BBS9: variants seen among roughly 807,000 people sequenced by gnomAD.
BBS9 encodes the protein protein PTHB1.
BBS9 carries 89 observed loss-of-function variants against 117.7 expected under a neutral mutation model. The ratio of observed to expected loss-of-function variants is 0.76; its 90% CI spans 0.64 to 0.90. The LOEUF (loss-of-function observed/expected upper bound fraction) is 0.90, where lower values mean the gene tolerates loss of function less well. Ranked by LOEUF, BBS9 falls within the 40% of genes least tolerant of loss-of-function variation. BBS9 has a pLI of 0.00. For missense variants in BBS9, 982 were observed against 1,042.2 expected, an observed-to-expected ratio of 0.94 and a Z score of 0.80; for synonymous variants, 379 against 370.9, an observed-to-expected ratio of 1.02 and a Z score of -0.25.
At chr7:33,425,340 A>C (rs1833503137) in intron 19 of BBS9, among the ~76,000 whole-genome samples, 2 of 152,214 alleles carry the variant, frequency 1.3e-5, no homozygotes, top group Admixed American at 6.5e-5. Flanking sequence ...CACACTTTAA[A>C]AAAATTTTTT....
At chr7:33,130,708 A>G (rs1324385220) in intron 1 of BBS9, among the ~76,000 whole-genome samples, 3 of 151,958 alleles carry the variant, frequency 2.0e-5, no homozygotes, top group African/African-American at 7.2e-5. Context: ...AATTACTGAG[A>G]TTTTTTTCAT....
chr7:33,316,876 T>C (rs893640149), intron 9 of BBS9, among the ~76,000 whole-genome samples: 3 of 152,206 alleles, frequency 2.0e-5, no homozygotes, highest in Non-Finnish European at 2.9e-5. Flanking sequence ...TTTTGAAACT[T>C]GAAGAGGTCT....
intron 5 of BBS9, among the ~76,000 whole-genome samples, chr7:33,250,758 A>C (rs774106901): frequency 6.6e-6 from 1 of 152,216 alleles, no homozygotes; most frequent in African/African-American, 2.4e-5. Flanking sequence ...TGAGGTACAG[A>C]TGAATAAATT....
chr7:33,356,526 CA>C (rs1819639091), intron 15 of BBS9, among the ~76,000 whole-genome samples: 1 of 151,478 alleles, frequency 6.6e-6, no homozygotes, highest in Non-Finnish European at 1.5e-5. Context: ...TGGTTATGAG[CA>C]AAAAATGAGC....
At chr7:33,539,281 G>T (rs1057200172) in intron 21 of BBS9, among the ~76,000 whole-genome samples, 1 of 152,150 alleles carries the variant, frequency 6.6e-6, no homozygotes, top group Non-Finnish European at 1.5e-5. Flanking sequence ...CACACTGTTG[G>T]TGCTGCATTT....
chr7:33,169,262 A>G (rs1796153385), intron 4 of BBS9, among the ~76,000 whole-genome samples: 1 of 150,456 alleles, frequency 6.6e-6, no homozygotes, highest in Non-Finnish European at 1.5e-5. Context: ...ATAATGCCGC[A>G]ATAAACATAC....
chr7:33,163,919 T>C (rs1279183703), intron 4 of BBS9, among the ~76,000 whole-genome samples: 1 of 152,198 alleles, frequency 6.6e-6, no homozygotes, highest in Non-Finnish European at 1.5e-5. Context: ...TTAATTGTGA[T>C]GTTAGGGTGT....
chr7:33,515,052 C>T (rs568020155), intron 20 of BBS9, among the ~76,000 whole-genome samples: 1 of 152,212 alleles, frequency 6.6e-6, no homozygotes, highest in South Asian at 2.1e-4. Context: ...TTGGTAGTTA[C>T]TATTGCCACT....
intron 5 of BBS9, among the ~76,000 whole-genome samples, chr7:33,192,652 G>C (rs1332742872): frequency 6.6e-6 from 1 of 152,156 alleles, no homozygotes; most frequent in Non-Finnish European, 1.5e-5. Flanking sequence ...TAGTCCATTT[G>C]TGTTGCTATA....
chr7:33,284,177 C>G (rs1802441927), intron 9 of BBS9, among the ~76,000 whole-genome samples: 1 of 152,142 alleles, frequency 6.6e-6, no homozygotes, highest in African/African-American at 2.4e-5. Context: ...GAGTTGGTGC[C>G]AGCTCTTGGC....
At chr7:33,208,495 C>T (rs1277329844) in intron 5 of BBS9, among the ~76,000 whole-genome samples, 1 of 152,194 alleles carries the variant, frequency 6.6e-6, no homozygotes, top group Non-Finnish European at 1.5e-5. Context: ...TTCACCTTTT[C>T]CTTCTGGGGT....
chr7:33,143,216 G>A (rs758493745), intron 1 of BBS9, among the ~76,000 whole-genome samples: 5 of 151,982 alleles, frequency 3.3e-5, no homozygotes, highest in Non-Finnish European at 7.4e-5. Flanking sequence ...TGATCCACCC[G>A]CCTTGGCATC....
At chr7:33,507,387 C>T (rs1236300268) in intron 20 of BBS9, among the ~76,000 whole-genome samples, 4 of 152,094 alleles carry the variant, frequency 2.6e-5, no homozygotes, top group Non-Finnish European at 4.4e-5. Context: ...ATTACAGGTG[C>T]GTGCCACCAT....
intron 19 of BBS9, among the ~76,000 whole-genome samples, chr7:33,399,671 A>G (rs189929969): frequency 5.5e-4 from 83 of 152,270 alleles, no homozygotes; most frequent in Admixed American, 7.2e-4. Flanking sequence ...TCAGAAATCA[A>G]TGGGGACTTA....
In BBS9 at chr7:33,238,266, G is replaced by T. The variant is rs889133110; in HGVS notation, c.443-18970G>T. On this transcript the variant is annotated intron_variant, in intron 5 of 22. Transcript: ENST00000242067. ...GTCATTGGTGGGGCCTGAACTTCAG[G>T]AATAGTGGGGAGTGTGATTCCTCAA... Among the ~76,000 whole-genome samples, 4 of 152,092 alleles carry T rather than the reference G, an allele frequency of 2.6e-5. No individual in the cohort carries two copies. The South Asian group carries it at 8.3e-4, about 32-fold the overall frequency.
chr7:33,568,477 C>G (rs1026818364), intron 21 of BBS9, among the ~76,000 whole-genome samples: 1 of 152,172 alleles, frequency 6.6e-6, no homozygotes, highest in African/African-American at 2.4e-5. Context: ...CATTTCCCTT[C>G]TAGACTGTAA....
chr7:33,504,487 T>C (rs569320393), intron 19 of BBS9, among the ~76,000 whole-genome samples: 19 of 152,120 alleles, frequency 1.2e-4, no homozygotes, highest in Non-Finnish European at 2.8e-4. Flanking sequence ...CCGTGAAATA[T>C]CACCAAATGG....
intron 20 of BBS9, among the ~76,000 whole-genome samples, chr7:33,531,498 A>G (rs947853527): frequency 6.6e-6 from 1 of 152,156 alleles, no homozygotes; most frequent in Non-Finnish European, 1.5e-5. Context: ...GGGGTTCTCT[A>G]TTTAGCTGTA....
At chr7:33,247,920 A>G (rs892835312) in intron 5 of BBS9, among the ~76,000 whole-genome samples, 5 of 150,946 alleles carry the variant, frequency 3.3e-5, no homozygotes, top group East Asian at 1.9e-4. Flanking sequence ...TGCTAATTTA[A>G]TCAATGGTTG....
Sources: gnomAD v4.1 joint callset for allele counts (sites outside exome capture counted in the v4.1 genomes callset) on GRCh38, gnomAD v4.1.1 for gene constraint, MANE v1.5 for transcripts, NCBI Gene and HGNC (gene_info 2026-07-23, HGNC 2026-07-21) for gene names.